Variants in PSMD9 observed in about 807,000 individuals in gnomAD.
PSMD9 encodes the protein 26S proteasome non-ATPase regulatory subunit 9.
Under a neutral mutation model 25.9 loss-of-function variants are expected in PSMD9, and 26 were observed. The ratio of observed to expected loss-of-function variants is 1.00; its 90% CI spans 0.73 to 1.39. PSMD9 has a LOEUF of 1.39. PSMD9 is among the 40% of genes most tolerant of loss of function. The pLI, the probability that PSMD9 is intolerant of heterozygous loss-of-function variation, is 0.00. For synonymous variants in PSMD9, 110 were observed against 114.5 expected, an observed-to-expected ratio of 0.96 and a Z score of 0.25; for missense variants, 303 against 299.3, an observed-to-expected ratio of 1.01 and a Z score of -0.09.
At chr12:121,907,156 G>A (rs901293463) in intron 4 of PSMD9, among the ~76,000 whole-genome samples, 2 of 151,506 alleles carry the variant, frequency 1.3e-5, no homozygotes, top group African/African-American at 4.8e-5. Flanking sequence ...TGCAACCTCC[G>A]CCTCACAGAT....
intron 2 of PSMD9, among the ~76,000 whole-genome samples, chr12:121,895,641 C>G (rs1336523407): frequency 6.6e-6 from 1 of 152,204 alleles, no homozygotes; most frequent in African/African-American, 2.4e-5. Context: ...TCCATCTACA[C>G]AGCCAGCAGT....
intron 4 of PSMD9, among the ~76,000 whole-genome samples, chr12:121,904,712 C>CAG (rs1292446890): frequency 1.4e-5 from 2 of 143,860 alleles, no homozygotes; most frequent in African/African-American, 5.3e-5. Flanking sequence ...GGCTGGAGTG[C>CAG]AGTGGTGCGA....
At position 121,905,684 on chromosome 12, in the gene PSMD9, C is replaced by A. The variant is rs530270587; in HGVS notation, c.555+2577C>A. On this transcript the variant is annotated intron_variant, in intron 4 of 5. Coordinates refer to ENST00000541212, the MANE Select transcript of PSMD9 (RefSeq NM_002813.7). ...CTGGGATTATAGGTGCCCACCACCA[C>A]GCCCAGCTAATTTTTTTTTGTATTT... Among the ~76,000 whole-genome samples, 24 of 151,760 alleles carry A rather than the reference C, an allele frequency of 1.6e-4. 1 individual carries two copies. The South Asian group carries it at 5.0e-3, about 32-fold the overall frequency.
chr12:121,900,965 C>T (rs1201417670), intron 3 of PSMD9, among the ~76,000 whole-genome samples: 5 of 135,854 alleles, frequency 3.7e-5, no homozygotes, highest in Admixed American at 1.6e-4. Context: ...AGAGCCTGGG[C>T]GACAGAGTGA....
intron 4 of PSMD9, among the ~76,000 whole-genome samples, chr12:121,906,891 G>A (rs1451025658): frequency 1.8e-4 from 27 of 149,616 alleles, no homozygotes; most frequent in African/African-American, 6.6e-4. Flanking sequence ...GCTTGAACCC[G>A]GGAGGCAGAG....
chr12:121,911,632 A>C (rs1879723424), intron 4 of PSMD9, among the ~76,000 whole-genome samples: 1 of 151,484 alleles, frequency 6.6e-6, no homozygotes, highest in Admixed American at 6.6e-5. Context: ...AAAGTTTCTA[A>C]AATTTTTTTT....
At chr12:121,903,752 CT>C (rs11300031) in intron 4 of PSMD9, among the ~76,000 whole-genome samples, 101,234 of 123,554 alleles carry the variant, frequency 0.82, 41,717 homozygotes, top group African/African-American at 0.93. Context: ...GAGATCTTTT[CT>C]TTTTTTTTTT....
Position 121,916,397 on chromosome 12 carries a change from A to C in PSMD9, c.*86A>C. 2 of 1,511,158 alleles carry C rather than the reference A, an allele frequency of 1.3e-6. No individual in the cohort carries two copies. Among genetic ancestry groups the C allele is most frequent in the South Asian group, 2.2e-5 (2 of 89,036 alleles). The allele number at this position is 1,511,158 out of a possible 1,614,324, so 93.6% of individuals were successfully genotyped here. ...ATTTCCAACTTGTCTTCTCTCCCTG[A>C]AGCATAAGGATCTGGAAGAGGCTTG... On this transcript the variant is annotated 3_prime_UTR_variant, in exon 6 of 6. Coordinates refer to ENST00000541212, the MANE Select transcript of PSMD9 (RefSeq NM_002813.7).
At chr12:121,908,071 C>A (rs1879612426) in intron 4 of PSMD9, 2 of 152,092 alleles carry the variant, frequency 1.3e-5, no homozygotes, top group African/African-American at 4.8e-5. Context: ...CTTAAAATCA[C>A]ATAGTGCAAT....
At chr12:121,911,556 T>G (rs1879721505) in intron 4 of PSMD9, among the ~76,000 whole-genome samples, 1 of 152,218 alleles carries the variant, frequency 6.6e-6, no homozygotes, top group South Asian at 2.1e-4. Flanking sequence ...TTCAAATCTC[T>G]GCTTTCATTT....
At chr12:121,908,827 C>A (rs531574161) in intron 4 of PSMD9, among the ~76,000 whole-genome samples, 5 of 152,080 alleles carry the variant, frequency 3.3e-5, no homozygotes, top group Non-Finnish European at 7.4e-5. Context: ...GAAAAGCCTT[C>A]AAAGCAGGTT....
chr12:121,911,546 T>C (rs1879721207), intron 4 of PSMD9, among the ~76,000 whole-genome samples: 1 of 152,216 alleles, frequency 6.6e-6, no homozygotes, highest in South Asian at 2.1e-4. Context: ...GCAATATCTG[T>C]TCAAATCTCT....
intron 4 of PSMD9, among the ~76,000 whole-genome samples, chr12:121,911,197 G>T (rs766999645): frequency 6.6e-5 from 10 of 152,080 alleles, no homozygotes; most frequent in Non-Finnish European, 1.3e-4. Flanking sequence ...ATGCCACCAG[G>T]CATGGCTAAT....
chr12:121,889,050 G>C lies in PSMD9; in HGVS notation c.138+56G>C. ...CCTAACCCGGCCCGGAGTCCCTGGG[G>C]TACTGGGATGCCAGGGCGGCCTCAG... On this transcript the variant is annotated intron_variant, in intron 1 of 5. Transcript: ENST00000541212. 5 of 1,533,328 alleles carry C rather than the reference G, an allele frequency of 3.3e-6. No individual in the cohort carries two copies. The South Asian group carries it at 6.0e-5, about 18-fold the overall frequency. 95.0% of individuals were successfully genotyped at this position (1,533,328 alleles called of 1,614,324 possible). A position where few individuals can be genotyped will look rare whatever the true frequency, so the allele number is the denominator to read the frequency against.
intron 3 of PSMD9, 63 bp downstream of exon 3, chr12:121,899,908 G>A (rs909198308): frequency 5.7e-6 from 9 of 1,575,594 alleles, no homozygotes; most frequent in East Asian, 2.2e-5. Flanking sequence ...GGTAGCCTTC[G>A]GGGATGTGGA....
chr12:121,894,775 T>G lies in PSMD9; in HGVS notation c.175T>G (p.Cys59Gly), dbSNP rs1265174918. ...TGGGATGAACGAGCCGCTGGTGGAC[T>G]GTGAGGGCTACCCCCGGTCAGACGT... The part of the protein sequence containing the change: ...GIGMNEPLVD[C>G]EGYPRSDVDL... Residue 59 changes from cysteine (C) to glycine (G), a missense_variant, in exon 2 of 6, where the codon TGT becomes GGT. By Grantham distance (159) the Cys-to-Gly change is radical. Transcript: ENST00000541212. 1 of 1,614,156 alleles carries G rather than the reference T, an allele frequency of 6.2e-7. No homozygotes were observed. Among genetic ancestry groups the G allele is most frequent in the Non-Finnish European group, 8.5e-7 (1 of 1,180,026 alleles).
At chr12:121,895,199 C>G (rs895989376) in intron 2 of PSMD9, among the ~76,000 whole-genome samples, 1 of 152,068 alleles carries the variant, frequency 6.6e-6, no homozygotes, top group East Asian at 1.9e-4. Context: ...GCATGTGTCG[C>G]TGTGCCTGGC....
chr12:121,914,361 C>G (rs929222211), intron 4 of PSMD9: 2 of 151,246 alleles, frequency 1.3e-5, no homozygotes, highest in Non-Finnish European at 2.9e-5. Flanking sequence ...ACCAGCCTGG[C>G]CAACATGGCG....
intron 2 of PSMD9, 124 bp from the exon 3 acceptor site, chr12:121,899,510 C>A (rs576818787): frequency 2.9e-4 from 265 of 912,180 alleles, no homozygotes; most frequent in Non-Finnish European, 3.8e-4. Context: ...TCAGAGACTC[C>A]TTCTCACCTC....
Sources: gnomAD v4.1 joint callset for allele counts (sites outside exome capture counted in the v4.1 genomes callset) on GRCh38, gnomAD v4.1.1 for gene constraint, MANE v1.5 for transcripts, NCBI Gene and HGNC (gene_info 2026-07-23, HGNC 2026-07-21) for gene names.